Variants in TMEM132C observed in about 807,000 individuals in gnomAD.
The protein encoded by TMEM132C is protein phosphatase 1, regulatory subunit 152.
Under a neutral mutation model 61.4 loss-of-function variants are expected in TMEM132C, and 29 were observed. The observed-to-expected ratio is 0.47, with a 90% CI of 0.35 to 0.64. TMEM132C has a LOEUF of 0.64. Among genes scored for constraint, TMEM132C ranks in the 30% least tolerant of loss-of-function variants. The pLI is 0.00. For missense variants in TMEM132C, 1,408 were observed against 1,476.9 expected, an observed-to-expected ratio of 0.95 and a Z score of 0.76; for synonymous variants, 656 against 633.1, an observed-to-expected ratio of 1.04 and a Z score of -0.54.
Position 128,415,372 on chromosome 12 carries a change from CG to C in TMEM132C, c.731del (p.Gly244ValfsTer81). 1.3e-6 allele frequency: 2 copies of C among 1,556,006 alleles called. No individual in the cohort carries two copies. Among genetic ancestry groups the C allele is most frequent in the Non-Finnish European group, 1.7e-6 (2 of 1,148,776 alleles). ...CAGGAAACGAGCGAGGGGACTGTGC[CG>C]GGGGTGACTTCAGGAAGGGCAACGC... ...HPGNERGDCA[G>X]GDFRKGNAIR... is the part of the protein sequence containing the mutation. On this transcript the variant is annotated frameshift_variant, in exon 2 of 9. Coordinates refer to ENST00000435159, the MANE Select transcript of TMEM132C (RefSeq NM_001136103.3). LOFTEE classifies it high-confidence loss of function. The surrounding 1 kb of genome is among the most constrained non-coding windows in gnomAD (Gnocchi z 5.8).
chr12:128,371,393 T>C (rs1218580123), intron 1 of TMEM132C, among the ~76,000 whole-genome samples: 1 of 152,148 alleles, frequency 6.6e-6, no homozygotes, highest in Non-Finnish European at 1.5e-5. Context: ...ACCAAAGTGA[T>C]TGGTTCCAAG....
At chr12:128,625,060 G>A (rs1042301017) in intron 4 of TMEM132C, among the ~76,000 whole-genome samples, 1 of 152,192 alleles carries the variant, frequency 6.6e-6, no homozygotes, top group African/African-American at 2.4e-5. Context: ...CAGCAGCATT[G>A]CAGCCACCCT....
intron 2 of TMEM132C, among the ~76,000 whole-genome samples, chr12:128,508,385 A>G (rs909614584): frequency 6.6e-6 from 1 of 152,208 alleles, no homozygotes; most frequent in Admixed American, 6.5e-5. Flanking sequence ...GCCAAACCAT[A>G]TCAGTGGGTG....
intron 1 of TMEM132C, among the ~76,000 whole-genome samples, chr12:128,299,578 A>G (rs1238264139): frequency 6.6e-6 from 1 of 152,214 alleles, no homozygotes; most frequent in Non-Finnish European, 1.5e-5. Context: ...GAGAGAATAG[A>G]TGTTGTCTTC....
intron 3 of TMEM132C, among the ~76,000 whole-genome samples, chr12:128,568,721 G>C (rs1874779666): frequency 6.6e-6 from 1 of 152,144 alleles, no homozygotes; most frequent in African/African-American, 2.4e-5. Context: ...GTGGGAAAGT[G>C]AGGTGAAGCC....
intron 3 of TMEM132C, among the ~76,000 whole-genome samples, chr12:128,587,728 T>G (rs1875602310): frequency 2.0e-5 from 3 of 152,202 alleles, no homozygotes; most frequent in Admixed American, 2.0e-4. Context: ...GGCACTCACT[T>G]TATTGATTTT....
At chr12:128,499,617 A>G (rs1357412481) in intron 2 of TMEM132C, among the ~76,000 whole-genome samples, 1 of 152,080 alleles carries the variant, frequency 6.6e-6, no homozygotes, top group Non-Finnish European at 1.5e-5. Flanking sequence ...TTAAGCTCCC[A>G]CGTATGAATG....
intron 1 of TMEM132C, among the ~76,000 whole-genome samples, chr12:128,289,503 C>T (rs1003491654): frequency 5.3e-5 from 8 of 152,150 alleles, no homozygotes; most frequent in South Asian, 2.1e-4. Flanking sequence ...TCCAAGAACA[C>T]GGCGTACCTG....
chr12:128,594,035 G>A (rs1034556381), intron 3 of TMEM132C, among the ~76,000 whole-genome samples: 5 of 14,158 alleles, frequency 3.5e-4, no homozygotes, highest in South Asian at 7.2e-3. Context: ...CCCACCCACC[G>A]CCCCTCCCCC....
chr12:128,454,626 C>T (rs1358508159), intron 2 of TMEM132C, among the ~76,000 whole-genome samples: 1 of 152,138 alleles, frequency 6.6e-6, no homozygotes, highest in Non-Finnish European at 1.5e-5. Context: ...CCTGAGAGAC[C>T]CCCTGGATAG....
intron 1 of TMEM132C, among the ~76,000 whole-genome samples, chr12:128,348,284 T>C (rs1873234358): frequency 6.6e-6 from 1 of 152,258 alleles, no homozygotes; most frequent in Admixed American, 6.5e-5. Flanking sequence ...ATATTGTGTA[T>C]CCTGTAACTC....
chr12:128,287,185 C>T (rs190313288), intron 1 of TMEM132C, among the ~76,000 whole-genome samples: 158 of 152,244 alleles, frequency 1.0e-3, no homozygotes, highest in African/African-American at 3.4e-3. Flanking sequence ...TTTCCCTGCC[C>T]ACACAGTTAT....
chr12:128,602,142 G>A (rs1474759445), intron 3 of TMEM132C, among the ~76,000 whole-genome samples: 2 of 152,178 alleles, frequency 1.3e-5, no homozygotes, highest in African/African-American at 4.8e-5. Context: ...CCAGGAAGTC[G>A]AGGCTGCAAT....
intron 2 of TMEM132C, among the ~76,000 whole-genome samples, chr12:128,429,023 G>A (rs1295267490): frequency 1.3e-5 from 2 of 152,182 alleles, no homozygotes; most frequent in Non-Finnish European, 2.9e-5. Context: ...GCTGTGGATT[G>A]CAGCTGAAAG....
rs77138985 is a variant in TMEM132C, at chr12:128,614,932, A to G, written c.1122-1220A>G. 9.5e-3 allele frequency among the ~76,000 whole-genome samples: 1,452 copies of G among 152,252 alleles called. 23 individuals carry two copies. Among genetic ancestry groups the G allele is most frequent in the African/African-American group, 0.033 (1,369 of 41,536 alleles). ...CTGTTGTGGTGGAAACACCACTGTC[A>G]CCCCTCGGCATGATGATGTGAGGGC... On this transcript the variant is annotated intron_variant, in intron 3 of 8. Coordinates refer to ENST00000435159, the MANE Select transcript of TMEM132C (RefSeq NM_001136103.3).
At chr12:128,323,459 C>T (rs796784627) in intron 1 of TMEM132C, among the ~76,000 whole-genome samples, 13 of 152,308 alleles carry the variant, frequency 8.5e-5, no homozygotes, top group African/African-American at 2.2e-4. Context: ...TGGGGACGTT[C>T]GTCTTCTCTT....
At chr12:128,427,517 G>C (rs1402531719) in intron 2 of TMEM132C, among the ~76,000 whole-genome samples, 1 of 150,868 alleles carries the variant, frequency 6.6e-6, no homozygotes, top group East Asian at 2.0e-4. Flanking sequence ...TTGAGAGGGA[G>C]GGAAGAGGCA....
chr12:128,686,191 C>A (rs970841219), intron 5 of TMEM132C, among the ~76,000 whole-genome samples: 1 of 152,064 alleles, frequency 6.6e-6, no homozygotes, highest in Non-Finnish European at 1.5e-5. Context: ...GCACTGGGTG[C>A]GCAGTTACCC....
chr12:128,530,546 C>G (rs916448371), intron 2 of TMEM132C, among the ~76,000 whole-genome samples: 1 of 152,168 alleles, frequency 6.6e-6, no homozygotes, highest in South Asian at 2.1e-4. Context: ...CTTGTTCAAG[C>G]GCTTCTCCTG....
Sources: allele counts gnomAD v4.1 joint callset (sites outside exome capture counted in the v4.1 genomes callset), GRCh38; gene constraint gnomAD v4.1.1; non-coding constraint Gnocchi (gnomAD v3.1); transcripts MANE v1.5; gene names NCBI Gene and HGNC (gene_info 2026-07-23, HGNC 2026-07-21).